The following SPDEF variants were observed in gnomAD, a reference collection of about 807,000 sequenced individuals.
SPDEF encodes SAM pointed domain containing ETS transcription factor.
SPDEF carries 12 observed loss-of-function variants against 36.0 expected under a neutral mutation model. That is an observed-to-expected ratio of 0.33 (90% CI 0.21 to 0.54). The LOEUF is 0.54. Ranked by LOEUF, SPDEF falls within the 20% of genes least tolerant of loss-of-function variation. The probability of loss-of-function intolerance (pLI) is 0.93; values close to 1 mark genes in which losing one functional copy is unlikely to be tolerated. For missense variants in SPDEF, 388 were observed against 456.9 expected, an observed-to-expected ratio of 0.85 and a Z score of 1.37; for synonymous variants, 205 against 193.0, an observed-to-expected ratio of 1.06 and a Z score of -0.51.
At chr6:34,547,336 C>T (rs1767976310) in intron 1 of SPDEF, among the ~76,000 whole-genome samples, 1 of 152,034 alleles carries the variant, frequency 6.6e-6, no homozygotes, top group African/African-American at 2.4e-5. Context: ...ATGTGAAGCC[C>T]TCACATCCAT....
At chr6:34,545,600 G>A (rs1365758775) in intron 1 of SPDEF, among the ~76,000 whole-genome samples, 1 of 152,240 alleles carries the variant, frequency 6.6e-6, no homozygotes, top group Non-Finnish European at 1.5e-5. Flanking sequence ...TGATGTGGGG[G>A]CCTGAGACTT....
chr6:34,540,037 A>G (rs1767784694), intron 3 of SPDEF, among the ~76,000 whole-genome samples: 1 of 152,194 alleles, frequency 6.6e-6, no homozygotes, highest in Non-Finnish European at 1.5e-5. Context: ...GTGGAGGCTC[A>G]TGCCTGTAGT....
rs1767761620 is a variant in SPDEF at position 34,539,220 on chromosome 6, C to T, written c.829+30G>A. 4.3e-6 allele frequency: 7 copies of T among 1,611,360 alleles called. No homozygotes were observed. The highest frequency in any genetic ancestry group is 4.5e-5 in the East Asian group (2 of 44,870). ...CCCCACAACCTCCATGCTCACTGGC[C>T]CTGCAGCGCCCCTTGGGCACCCTGC... is the stretch of plus-strand genomic sequence containing the variant. On this transcript the variant is annotated intron_variant, in intron 5 of 5. Transcript: ENST00000374037. The surrounding 1 kb of genome is among the most constrained non-coding windows in gnomAD (Gnocchi z 5.2).
At chr6:34,551,457 A>G (rs1020613081) in intron 1 of SPDEF, among the ~76,000 whole-genome samples, 5 of 152,210 alleles carry the variant, frequency 3.3e-5, no homozygotes, top group Non-Finnish European at 7.3e-5. Flanking sequence ...TGGTCCCTCC[A>G]GCCCTCAGTC....
In SPDEF at chr6:34,544,893, T is replaced by C. The variant is rs2127288049; in HGVS notation, c.-29-409A>G. ...GGGCCCTCAGTGTCCAAATCTTTCC[T>C]GATATAGCAAAGCTTGTTTTTCTTC... On this transcript the variant is annotated intron_variant, in intron 1 of 5. Coordinates refer to ENST00000374037, the MANE Select transcript of SPDEF (RefSeq NM_012391.3). The surrounding 1 kb of genome is among the most constrained non-coding windows in gnomAD (Gnocchi z 4.4). 6.6e-6 allele frequency among the ~76,000 whole-genome samples: 1 copy of C among 152,346 alleles called. No individual in the cohort carries two copies. The highest frequency in any genetic ancestry group is 2.1e-4 in the South Asian group (1 of 4,832).
intron 1 of SPDEF, among the ~76,000 whole-genome samples, chr6:34,545,215 AG>A (rs1186818755): frequency 6.6e-6 from 1 of 152,160 alleles, no homozygotes; most frequent in Admixed American, 6.5e-5. Flanking sequence ...TGCTGCCCCC[AG>A]GGCCCCTTCC....
chr6:34,539,697 T>A lies in SPDEF; in HGVS notation c.635-135A>T. 1.0e-6 allele frequency: 1 copy of A among 1,001,544 alleles called. No individual in the cohort carries two copies. Among genetic ancestry groups the A allele is most frequent in the Non-Finnish European group, 1.5e-6 (1 of 653,424 alleles). 62.0% of individuals were successfully genotyped at this position (1,001,544 alleles called of 1,614,324 possible). ...GTTGCCCCTGTGGCTCCCTGCCTCC[T>A]GCCAACCTGGGGAGGCAAGCTGGTT... is the stretch of plus-strand genomic sequence containing the variant. On this transcript the variant is annotated intron_variant, in intron 3 of 5. Transcript: ENST00000374037. The surrounding 1 kb of genome is among the most constrained non-coding windows in gnomAD (Gnocchi z 5.2).
rs1023940355 is a variant in SPDEF, at chr6:34,543,319, G to A, written c.436+701C>T. 4.0e-5 allele frequency among the ~76,000 whole-genome samples: 6 copies of A among 151,868 alleles called. No individual in the cohort carries two copies. In the East Asian group the frequency reaches 1.2e-3, roughly 29 times the overall value. On this transcript the variant is annotated intron_variant, in intron 2 of 5. Coordinates refer to ENST00000374037, the MANE Select transcript of SPDEF (RefSeq NM_012391.3). ...CTATCCTAGCATCTGGGGATGGATT[G>A]ATGAGCAAAACAAATGAAAATCCCT...
intron 1 of SPDEF, among the ~76,000 whole-genome samples, chr6:34,551,927 C>T (rs1258717557): frequency 5.9e-5 from 9 of 152,170 alleles, no homozygotes; most frequent in Non-Finnish European, 7.3e-5. Flanking sequence ...ACTACAATTC[C>T]GCTCAACCTT....
In SPDEF at chr6:34,538,354, G is replaced by A. The variant is rs776586725; in HGVS notation, c.928C>T (p.Arg310Cys). The A allele has an allele frequency of 6.2e-6, 10 of 1,614,032 alleles. No individual in the cohort carries two copies. Among genetic ancestry groups the A allele is most frequent in the East Asian group, 2.2e-5 (1 of 44,896 alleles). The change falls in exon 6 of 6, where the codon CGC becomes TGC. Residue 310 changes from arginine to cysteine, a missense_variant. Coordinates refer to ENST00000374037, the MANE Select transcript of SPDEF (RefSeq NM_012391.3). The surrounding 1 kb of genome is among the most constrained non-coding windows in gnomAD (Gnocchi z 5.9). ...ATGATGCCCTTCTTGTAATACTGGC[G>A]GATGGAGCGGCTCAGCTTGTCGTAG... ...MNYDKLSRSI[R>C]QYYKKGIIRK...
chr6:34,554,361 G>A (rs1768124025), intron 1 of SPDEF, among the ~76,000 whole-genome samples: 1 of 151,916 alleles, frequency 6.6e-6, no homozygotes, highest in Non-Finnish European at 1.5e-5. Flanking sequence ...CCTACTGAGT[G>A]CAGCCCTATT....
rs2233646 is a variant in SPDEF at position 34,539,478 on chromosome 6, C to T, written c.682+37G>A. 9.6e-6 allele frequency: 15 copies of T among 1,567,232 alleles called. No individual in the cohort carries two copies. The highest frequency in any genetic ancestry group is 2.4e-5 in the East Asian group (1 of 41,362). On this transcript the variant is annotated intron_variant, in intron 4 of 5. Transcript: ENST00000374037. This position sits in a 1 kb window ranked among gnomAD's most constrained non-coding sequence, Gnocchi z 5.2. The stretch of plus-strand genomic sequence containing the variant: ...TTGGCAGCCACCCCTCCACCCCACC[C>T]GAGCCCCCGCCTCCACCCTGCCGCT...
rs775220111 is a variant in SPDEF at position 34,544,610 on chromosome 6, C to T, written c.-29-126G>A. 63 of 718,270 alleles carry T rather than the reference C, an allele frequency of 8.8e-5. No homozygotes were observed. Among genetic ancestry groups the T allele is most frequent in the Non-Finnish European group, 9.6e-5 (46 of 477,048 alleles). 44.5% of individuals were successfully genotyped at this position (718,270 alleles called of 1,614,324 possible). A position where few individuals can be genotyped will look rare whatever the true frequency, so the allele number is the denominator to read the frequency against. On this transcript the variant is annotated intron_variant, in intron 1 of 5. Transcript: ENST00000374037. This position sits in a 1 kb window ranked among gnomAD's most constrained non-coding sequence, Gnocchi z 4.4. ...GGCCTGGGACAGAGTTGGGGGCTTC[C>T]GGGTCATTGGGCAGCCACGACATGG...
chr6:34,546,561 C>G (rs938372187), intron 1 of SPDEF, among the ~76,000 whole-genome samples: 5 of 152,188 alleles, frequency 3.3e-5, no homozygotes, highest in African/African-American at 1.2e-4. Flanking sequence ...AAATGACATC[C>G]CTTCCCCCTG....
In SPDEF at chr6:34,541,057, C is replaced by G; in HGVS notation, c.561G>C (p.Ser187=). Residue 187 remains serine, a synonymous_variant, in exon 3 of 6, where the codon TCG becomes TCC. Coordinates refer to ENST00000374037, the MANE Select transcript of SPDEF (RefSeq NM_012391.3). Reference sequence around the variant, plus strand: ...GCGAGCGCTGGCGGAACTGCTCCTCCGACATGGCGCACAGCTCCTTGCCCG... The same window carrying G: ...GCGAGCGCTGGCGGAACTGCTCCTCGGACATGGCGCACAGCTCCTTGCCCG... ...ELAGKELCAM[S]EEQFRQRSPL... is the part of the protein sequence containing the mutation. 6.2e-7 allele frequency: 1 copy of G among 1,612,602 alleles called. No homozygotes were observed. The highest frequency in any genetic ancestry group is 8.5e-7 in the Non-Finnish European group (1 of 1,179,772).
intron 2 of SPDEF, among the ~76,000 whole-genome samples, chr6:34,543,736 G>C (rs1332529849): frequency 6.6e-6 from 1 of 152,158 alleles, no homozygotes; most frequent in African/African-American, 2.4e-5. Flanking sequence ...TGAGGGGAGA[G>C]CGAAGTCCAA....
At chr6:34,546,357 G>A (rs1198989471) in intron 1 of SPDEF, among the ~76,000 whole-genome samples, 1 of 152,178 alleles carries the variant, frequency 6.6e-6, no homozygotes, top group Non-Finnish European at 1.5e-5. Flanking sequence ...CATTTATGGT[G>A]CCCTACTGGG....
chr6:34,540,339 C>T (rs1481923776), intron 3 of SPDEF, among the ~76,000 whole-genome samples: 2 of 151,116 alleles, frequency 1.3e-5, no homozygotes, highest in Non-Finnish European at 2.9e-5. Context: ...CCACTGTGGA[C>T]ACGGACAGGG....
rs1001272307 is a variant in SPDEF at position 34,538,674 on chromosome 6, G to T, written c.830-222C>A. On this transcript the variant is annotated intron_variant, in intron 5 of 5. Coordinates refer to ENST00000374037, the MANE Select transcript of SPDEF (RefSeq NM_012391.3). This position sits in a 1 kb window ranked among gnomAD's most constrained non-coding sequence, Gnocchi z 5.9. ...TGCAAAGCAGGTGCCACAGGCCCCAGTGAATGGCAGAGAATACTCTGGAGT... is the reference window on the plus strand; with the variant it reads ...TGCAAAGCAGGTGCCACAGGCCCCATTGAATGGCAGAGAATACTCTGGAGT... Among the ~76,000 whole-genome samples the T allele has an allele frequency of 6.6e-6, 1 of 152,220 alleles. No homozygotes were observed. The highest frequency in any genetic ancestry group is 1.5e-5 in the Non-Finnish European group (1 of 68,038).
Sources: allele counts gnomAD v4.1 joint callset (sites outside exome capture counted in the v4.1 genomes callset), GRCh38; gene constraint gnomAD v4.1.1; non-coding constraint Gnocchi (gnomAD v3.1); transcripts MANE v1.5; gene names NCBI Gene and HGNC (gene_info 2026-07-23, HGNC 2026-07-21).